The following PLXNA1 variants were observed in gnomAD, a reference collection of about 807,000 sequenced individuals.
PLXNA1 encodes the protein plexin A1.
Under a neutral mutation model 191.7 loss-of-function variants are expected in PLXNA1, and 77 were observed. The observed-to-expected ratio is 0.40, with a 90% CI of 0.33 to 0.49. PLXNA1 has a LOEUF of 0.49. Among genes scored for constraint, PLXNA1 ranks in the 20% least tolerant of loss-of-function variants. The pLI is 0.63. For synonymous variants in PLXNA1, 1,137 were observed against 1,156.4 expected (o/e 0.98, Z 0.34); for missense variants, 2,110 against 2,660.2 (o/e 0.79, Z 4.55).
In PLXNA1 at chr3:127,037,310, T is replaced by G. The variant is rs2079249368; in HGVS notation, c.*3293T>G. 1 of 152,666 alleles carries G rather than the reference T, an allele frequency of 6.6e-6. No homozygotes were observed. Among genetic ancestry groups the G allele is most frequent in the Non-Finnish European group, 1.5e-5 (1 of 68,048 alleles). The allele number at this position is 152,666 out of a possible 1,614,324, so 9.5% of individuals were successfully genotyped here. On this transcript the variant is annotated 3_prime_UTR_variant, in exon 32 of 32. Transcript: ENST00000393409. ...CTCAGATGTGTACATATACGGCTAT[T>G]TCCTATTTTACTGTTCTTCAGATTT...
intron 2 of PLXNA1, 72 bp downstream of exon 2, chr3:126,989,859 G>GCA (rs2078982337): frequency 7.6e-7 from 1 of 1,312,860 alleles, no homozygotes; most frequent in Non-Finnish European, 1.1e-6. Flanking sequence ...GGTGTCAGAT[G>GCA]CACGCCCAGT....
chr3:127,020,458 G>C, intron 21 of PLXNA1, 114 bp downstream of exon 21: 2 of 1,316,944 alleles, frequency 1.5e-6, no homozygotes, highest in South Asian at 2.8e-5. Flanking sequence ...TGGCCTGGGG[G>C]AGGGTCCAGG....
Position 127,012,154 on chromosome 3 carries a change from C to T in PLXNA1, c.2309C>T (p.Ser770Phe). 2.5e-6 allele frequency: 4 copies of T among 1,611,220 alleles called. No homozygotes were observed. Among genetic ancestry groups the T allele is most frequent in the Non-Finnish European group, 3.4e-6 (4 of 1,179,222 alleles). ...FNSSSLQCQN[S>F]SYSYEGNDVS... ...AGCTCCAGCCTGCAGTGCCAGAATTCCTCGGTGAGGTGGCCAGGGCAGGGG... is the reference window on the plus strand; with the variant it reads ...AGCTCCAGCCTGCAGTGCCAGAATTTCTCGGTGAGGTGGCCAGGGCAGGGG... Residue 770 changes from serine (S) to phenylalanine (F), a missense_variant, in exon 10 of 32, where the codon TCC (serine) becomes TTC (phenylalanine). Physicochemically the swap from Ser to Phe is radical, Grantham distance 155. This residue lies in a region of PLXNA1 where 644 missense variants were observed against 714.3 expected (regional missense o/e 0.90). Coordinates refer to ENST00000393409, the MANE Select transcript of PLXNA1 (RefSeq NM_032242.4).
At chr3:127,019,430 G>A (rs1281175324) in intron 20 of PLXNA1, among the ~76,000 whole-genome samples, 1 of 152,172 alleles carries the variant, frequency 6.6e-6, no homozygotes, top group African/African-American at 2.4e-5. Flanking sequence ...CAGGTGGGAG[G>A]CAGGTGGCCT....
chr3:126,987,976 C>T (rs1002236294), intron 1 of PLXNA1, among the ~76,000 whole-genome samples: 1 of 151,932 alleles, frequency 6.6e-6, no homozygotes, highest in African/African-American at 2.4e-5. Context: ...GCTGTCAGGG[C>T]GTGTTCGGGG....
rs2079248454 is a variant in PLXNA1, at chr3:127,037,158, C to T, written c.*3141C>T. 6.6e-6 allele frequency: 1 copy of T among 152,620 alleles called. No individual in the cohort carries two copies. Among genetic ancestry groups the T allele is most frequent in the Non-Finnish European group, 1.5e-5 (1 of 68,052 alleles). The allele number at this position is 152,620 out of a possible 1,614,324, so 9.5% of individuals were successfully genotyped here. ...AGAGAGATATTTTTAAGACAAAGCC[C>T]ACAATTAGCTGTCCTTTAACACCGC... On this transcript the variant is annotated 3_prime_UTR_variant, in exon 32 of 32. Transcript: ENST00000393409.
intron 4 of PLXNA1, 75 bp from the exon 5 acceptor site, chr3:127,004,536 T>A: frequency 3.0e-6 from 3 of 998,010 alleles, no homozygotes; most frequent in South Asian, 2.8e-5. Flanking sequence ...GAGAGCAGAG[T>A]AGGGAGTCAG....
In PLXNA1 at chr3:127,017,382, A is replaced by G. The variant is rs113735467; in HGVS notation, c.3277-43A>G. On this transcript the variant is annotated intron_variant, in intron 17 of 31. Coordinates refer to ENST00000393409, the MANE Select transcript of PLXNA1 (RefSeq NM_032242.4). The stretch of plus-strand genomic sequence containing the variant: ...CTCTGTCACTGGGAGCTGCCGGGCC[A>G]CTCGCGGAGGTCCCGCCCAGCATCC... 429 of 1,593,338 alleles carry G rather than the reference A, an allele frequency of 2.7e-4. 3 individuals are homozygous for G. The African/African-American group carries it at 4.9e-3, about 18-fold the overall frequency.
intron 25 of PLXNA1, 59 bp from the exon 26 acceptor site, chr3:127,028,934 T>TGATG: frequency 7.3e-7 from 1 of 1,367,662 alleles, no homozygotes; most frequent in South Asian, 1.2e-5. Context: ...TACACTGCTG[T>TGATG]GATGGAGGAG....
intron 5 of PLXNA1, 79 bp downstream of exon 5, chr3:127,004,790 G>A (rs1477230147): frequency 1.7e-5 from 27 of 1,594,376 alleles, no homozygotes; most frequent in Non-Finnish European, 2.2e-5. Context: ...GCCTGGTGCA[G>A]GGCAAGCCAC....
At chr3:127,002,076 A>G (rs1250173449) in intron 3 of PLXNA1, among the ~76,000 whole-genome samples, 1 of 152,190 alleles carries the variant, frequency 6.6e-6, no homozygotes, top group Non-Finnish European at 1.5e-5. Flanking sequence ...GGTGCAGTCC[A>G]GGCCCCACCG....
chr3:127,006,012 C>T, intron 7 of PLXNA1, 67 bp from the exon 8 acceptor site: 2 of 1,217,766 alleles, frequency 1.6e-6, no homozygotes, highest in Non-Finnish European at 2.4e-6. Context: ...GTTCCCCTGT[C>T]TGGACTTGCC....
chr3:126,999,201 G>T (rs1387879301), intron 3 of PLXNA1, among the ~76,000 whole-genome samples: 5 of 152,290 alleles, frequency 3.3e-5, no homozygotes, highest in African/African-American at 1.2e-4. Flanking sequence ...AGAGGCTCCT[G>T]CCCCTCGGGC....
intron 23 of PLXNA1, among the ~76,000 whole-genome samples, chr3:127,023,303 C>T (rs1385958568): frequency 6.6e-6 from 1 of 152,204 alleles, no homozygotes; most frequent in African/African-American, 2.4e-5. Context: ...AGACTGCAGG[C>T]CAGGGCCCAG....
chr3:127,013,716 G>A (rs1478094592), intron 10 of PLXNA1, among the ~76,000 whole-genome samples: 1 of 152,236 alleles, frequency 6.6e-6, no homozygotes, highest in East Asian at 1.9e-4. Flanking sequence ...TCCCAGCCTG[G>A]CTGACTGTAG....
intron 7 of PLXNA1, 149 bp downstream of exon 7, chr3:127,005,392 G>A: frequency 9.6e-7 from 1 of 1,046,740 alleles, no homozygotes; most frequent in African/African-American, 1.6e-5. Flanking sequence ...CTCACCACCT[G>A]CTGGTCTGGG....
rs749225555 is a variant in PLXNA1, at chr3:127,029,155, G to T, written c.4773+59G>T. On this transcript the variant is annotated intron_variant, in intron 26 of 31. Coordinates refer to ENST00000393409, the MANE Select transcript of PLXNA1 (RefSeq NM_032242.4). The stretch of plus-strand genomic sequence containing the variant: ...TCCCTCCCCTTGGGGCTTCCACAGC[G>T]CAGCCACCAATGTTTGCAGCATGTG... 5 of 1,327,570 alleles carry T rather than the reference G, an allele frequency of 3.8e-6. No homozygotes were observed. In the African/African-American group the frequency reaches 5.8e-5, roughly 15 times the overall value. The allele number at this position is 1,327,570 out of a possible 1,614,324, so 82.2% of individuals were successfully genotyped here.
At chr3:127,007,975 T>A in intron 9 of PLXNA1, 62 bp downstream of exon 9, 1 of 1,147,330 alleles carries the variant, frequency 8.7e-7, no homozygotes, top group Non-Finnish European at 1.3e-6. Context: ...GGTTGAGACA[T>A]CCCATCTGGG....
At chr3:126,991,674 A>G (rs948850741) in intron 3 of PLXNA1, 108 bp downstream of exon 3, 9 of 1,217,410 alleles carry the variant, frequency 7.4e-6, no homozygotes, top group Non-Finnish European at 1.0e-5. Context: ...GGGAGGCTAG[A>G]TCTGGCGTAC....
Sources: gnomAD v4.1 joint callset for allele counts (sites outside exome capture counted in the v4.1 genomes callset) on GRCh38, gnomAD v4.1.1 for gene constraint, gnomAD v4.1.1 regional missense constraint, MANE v1.5 for transcripts, NCBI Gene and HGNC (gene_info 2026-07-23, HGNC 2026-07-21) for gene names.